The following NINL variants were observed in gnomAD, a reference collection of about 807,000 sequenced individuals.
NINL encodes the protein ninein-like protein.
Under a neutral mutation model 160.3 loss-of-function variants are expected in NINL, and 153 were observed. That is an observed-to-expected ratio of 0.95 (90% CI 0.84 to 1.09). The LOEUF (loss-of-function observed/expected upper bound fraction) is 1.09. Among genes scored for constraint, NINL ranks in the 50% least tolerant of loss-of-function variants. NINL has a pLI of 0.00. For missense variants in NINL, 1,829 were observed against 1,764.0 expected (o/e 1.04, Z -0.66); for synonymous variants, 800 against 734.8 (o/e 1.09, Z -1.43).
intron 5 of NINL, chr20:25,509,563 A>C: frequency 2.3e-6 from 1 of 428,170 alleles, no homozygotes. Context: ...AGGGATGCTC[A>C]GATTATGCCA....
intron 8 of NINL, among the ~76,000 whole-genome samples, chr20:25,499,945 CAAAA>C (rs11476280): frequency 9.8e-5 from 6 of 61,432 alleles, no homozygotes; most frequent in African/African-American, 1.7e-4. Context: ...ACCAATTTCG[CAAAA>C]AAAAAAAAAA....
intron 2 of NINL, among the ~76,000 whole-genome samples, chr20:25,524,404 A>G (rs1400638857): frequency 6.6e-6 from 1 of 152,232 alleles, no homozygotes; most frequent in Non-Finnish European, 1.5e-5. Context: ...GCATGGCTGT[A>G]GGAGGGGATG....
At chr20:25,497,043 T>A (rs1279987292) in intron 9 of NINL, among the ~76,000 whole-genome samples, 1 of 152,142 alleles carries the variant, frequency 6.6e-6, no homozygotes, top group African/African-American at 2.4e-5. Context: ...TCTAGGTGGT[T>A]TCTAACCCAG....
intron 1 of NINL, among the ~76,000 whole-genome samples, chr20:25,570,657 A>T (rs1231261781): frequency 2.2e-5 from 3 of 134,500 alleles, no homozygotes; most frequent in Admixed American, 7.3e-5. Context: ...TTTTTTTTTT[A>T]GCTTTTCCAA....
intron 21 of NINL, among the ~76,000 whole-genome samples, chr20:25,460,665 G>C (rs781107452): frequency 6.6e-6 from 1 of 152,176 alleles, no homozygotes; most frequent in Admixed American, 6.5e-5. Flanking sequence ...GCCTATGGGA[G>C]CCCCAACAGC....
At chr20:25,508,669 G>C (rs1305002119) in intron 5 of NINL, among the ~76,000 whole-genome samples, 1 of 152,212 alleles carries the variant, frequency 6.6e-6, no homozygotes, top group Non-Finnish European at 1.5e-5. Context: ...AGGGGGAGCT[G>C]GGGGGCGCTG....
At chr20:25,556,710 G>A (rs564039533) in intron 1 of NINL, among the ~76,000 whole-genome samples, 1 of 152,236 alleles carries the variant, frequency 6.6e-6, no homozygotes, top group Admixed American at 6.5e-5. Context: ...GGGAGGCTGA[G>A]GTGGGAGGAT....
In NINL at chr20:25,561,449, C is replaced by T. The variant is rs774373053; in HGVS notation, c.-12+24006G>A. Among the ~76,000 whole-genome samples, 32 of 152,324 alleles carry T rather than the reference C, an allele frequency of 2.1e-4. 1 individual carries two copies. In the South Asian group the frequency reaches 2.7e-3, roughly 13 times the overall value. ...GCCGAGATTGCAGCCTCTGCCCGGCCGCTACCCCGTCTGGGAAATGAGGAG... is the reference window on the plus strand; with the variant it reads ...GCCGAGATTGCAGCCTCTGCCCGGCTGCTACCCCGTCTGGGAAATGAGGAG... On this transcript the variant is annotated intron_variant, in intron 1 of 23. Transcript: ENST00000278886.
At chr20:25,487,238 G>C (rs2063521165) in intron 13 of NINL, among the ~76,000 whole-genome samples, 1 of 152,162 alleles carries the variant, frequency 6.6e-6, no homozygotes, top group Non-Finnish European at 1.5e-5. Context: ...CTAACTTGCA[G>C]GAGAAATGAA....
At position 25,514,077 on chromosome 20, in the gene NINL, C is replaced by T. The variant is rs551842239; in HGVS notation, c.278-1071G>A. Among the ~76,000 whole-genome samples the T allele has an allele frequency of 1.0e-3, 156 of 152,252 alleles. 1 individual carries two copies. Among genetic ancestry groups the T allele is most frequent in the African/African-American group, 3.5e-3 (147 of 41,550 alleles). ...ACGGTTTAGAGGGCTCAGAAGAAGA[C>T]AGAAAGACGTGGGAAAGTTTGTAAC... On this transcript the variant is annotated intron_variant, in intron 3 of 23. Transcript: ENST00000278886.
intron 1 of NINL, among the ~76,000 whole-genome samples, chr20:25,542,356 T>C (rs1462237567): frequency 6.6e-6 from 1 of 151,946 alleles, no homozygotes; most frequent in African/African-American, 2.4e-5. Flanking sequence ...GATTACACAA[T>C]TTGAAGAATG....
chr20:25,504,805 A>G lies in NINL; in HGVS notation c.708+83T>C. 1.4e-6 allele frequency: 2 copies of G among 1,403,616 alleles called. 1 individual carries two copies. The highest frequency in any genetic ancestry group is 2.4e-5 in the South Asian group (2 of 82,622). The allele number at this position is 1,403,616 out of a possible 1,614,324, so 86.9% of individuals were successfully genotyped here. A position where few individuals can be genotyped will look rare whatever the true frequency, so the allele number is the denominator to read the frequency against. On this transcript the variant is annotated intron_variant, in intron 6 of 23. Coordinates refer to ENST00000278886, the MANE Select transcript of NINL (RefSeq NM_025176.6). The stretch of plus-strand genomic sequence containing the variant: ...GTGATGCACCTACATGAGTGGCTGA[A>G]GGGTAGAGGGGTTTCCAGACCCAAC...
intron 1 of NINL, among the ~76,000 whole-genome samples, chr20:25,584,493 G>C (rs1376922639): frequency 6.6e-6 from 1 of 152,178 alleles, no homozygotes; most frequent in South Asian, 2.1e-4. Context: ...ACAACAACAA[G>C]AAGAACAAAA....
intron 1 of NINL, among the ~76,000 whole-genome samples, chr20:25,584,898 A>G (rs2065211174): frequency 6.6e-6 from 1 of 152,244 alleles, no homozygotes; most frequent in Non-Finnish European, 1.5e-5. Flanking sequence ...CTGCAAAACG[A>G]GTACAACAGA....
chr20:25,479,918 C>T (rs181060150), intron 15 of NINL, among the ~76,000 whole-genome samples: 21 of 152,360 alleles, frequency 1.4e-4, no homozygotes, highest in African/African-American at 2.2e-4. Flanking sequence ...CCTTGTGACA[C>T]TCCAGAGTAT....
At position 25,560,164 on chromosome 20, in the gene NINL, CA is replaced by C. The variant is rs2064917824; in HGVS notation, c.-12+25290del. Reference sequence around the variant, plus strand: ...TTGCCTTGTTGCCCAGGCTGGTCTCCAACTCTTGGCCTTGGCCTCAGGCAAT... The same window carrying C: ...TTGCCTTGTTGCCCAGGCTGGTCTCCACTCTTGGCCTTGGCCTCAGGCAAT... On this transcript the variant is annotated intron_variant, in intron 1 of 23. Coordinates refer to ENST00000278886, the MANE Select transcript of NINL (RefSeq NM_025176.6). Among the ~76,000 whole-genome samples the C allele has an allele frequency of 7.2e-5, 11 of 152,210 alleles. 1 individual carries two copies. In the South Asian group the frequency reaches 2.3e-3, roughly 32 times the overall value.
At chr20:25,469,882 A>G in intron 18 of NINL, 109 bp downstream of exon 18, 1 of 739,564 alleles carries the variant, frequency 1.4e-6, no homozygotes, top group Non-Finnish European at 2.3e-6. Context: ...TCTGGAATGC[A>G]GGGCTAATCT....
intron 2 of NINL, among the ~76,000 whole-genome samples, chr20:25,523,096 A>G (rs1263259455): frequency 6.6e-6 from 1 of 152,180 alleles, no homozygotes; most frequent in Non-Finnish European, 1.5e-5. Context: ...TAGATTACTT[A>G]TAATAGCCAA....
intron 1 of NINL, among the ~76,000 whole-genome samples, chr20:25,582,784 G>C (rs1284364721): frequency 6.6e-6 from 1 of 151,862 alleles, no homozygotes; most frequent in Non-Finnish European, 1.5e-5. Flanking sequence ...TCAGTGTTCT[G>C]TTTAACAGAT....
Sources: gnomAD v4.1 joint callset for allele counts (sites outside exome capture counted in the v4.1 genomes callset) on GRCh38, gnomAD v4.1.1 for gene constraint, MANE v1.5 for transcripts, NCBI Gene and HGNC (gene_info 2026-07-23, HGNC 2026-07-21) for gene names.